GRXCR1: variants seen among roughly 807,000 people sequenced by gnomAD.
GRXCR1 encodes the protein glutaredoxin and cysteine rich domain containing 1, also known as glutaredoxin domain-containing cysteine-rich protein 1.
A neutral mutation model predicts 27.3 loss-of-function variants in GRXCR1; 27 were observed. The observed-to-expected ratio is 0.99, with a 90% CI of 0.73 to 1.37. The LOEUF is 1.37. Among genes scored for constraint, GRXCR1 ranks in the 40% most tolerant of loss-of-function variants. GRXCR1 has a pLI of 0.00. For missense variants in GRXCR1, 379 were observed against 354.4 expected (o/e 1.07, Z -0.56); for synonymous variants, 122 against 131.1 (o/e 0.93, Z 0.47).
chr4:42,908,176 C>A (rs116022164), intron 1 of GRXCR1, among the ~76,000 whole-genome samples: 1 of 152,298 alleles, frequency 6.6e-6, no homozygotes, highest in African/African-American at 2.4e-5. Flanking sequence ...CTCACTTGAG[C>A]TCTCTGAACC....
At chr4:42,970,038 A>T (rs1015060631) in intron 2 of GRXCR1, among the ~76,000 whole-genome samples, 4 of 152,130 alleles carry the variant, frequency 2.6e-5, no homozygotes, top group Non-Finnish European at 4.4e-5. Flanking sequence ...CAAGTCCAAA[A>T]CCCAGCAGGG....
chr4:43,009,727 G>A (rs1712677697), intron 2 of GRXCR1, among the ~76,000 whole-genome samples: 1 of 151,850 alleles, frequency 6.6e-6, no homozygotes, highest in Admixed American at 6.6e-5. Context: ...TATTCCTCAG[G>A]GCTCTGCCTT....
At chr4:42,930,505 A>G (rs1198965250) in intron 1 of GRXCR1, among the ~76,000 whole-genome samples, 3 of 151,912 alleles carry the variant, frequency 2.0e-5, no homozygotes, top group Non-Finnish European at 4.4e-5. Context: ...CTCTCCTTTT[A>G]TCCCTCTATG....
At chr4:42,935,871 G>A (rs1440497806) in intron 1 of GRXCR1, among the ~76,000 whole-genome samples, 1 of 151,928 alleles carries the variant, frequency 6.6e-6, no homozygotes, top group African/African-American at 2.4e-5. Flanking sequence ...TACGAAGTGA[G>A]ATAATAGGTT....
intron 2 of GRXCR1, among the ~76,000 whole-genome samples, chr4:43,010,933 C>A (rs914306246): frequency 4.6e-5 from 7 of 152,094 alleles, no homozygotes; most frequent in Non-Finnish European, 1.0e-4. Flanking sequence ...ATATTTTTCT[C>A]TTTGAAAAGT....
intron 1 of GRXCR1, among the ~76,000 whole-genome samples, chr4:42,932,587 TA>T (rs1747341127): frequency 7.5e-5 from 3 of 39,964 alleles, no homozygotes; most frequent in African/African-American, 1.8e-4. Context: ...CATATATATA[TA>T]TATATATATA....
Position 42,944,628 on chromosome 4 carries a change from AC to A in GRXCR1, c.385-18262del, listed in dbSNP as rs1747701441. Among the ~76,000 whole-genome samples, 3 of 152,108 alleles carry A rather than the reference AC, an allele frequency of 2.0e-5. 1 individual carries two copies. Among genetic ancestry groups the A allele is most frequent in the Admixed American group, 2.0e-4 (3 of 15,258 alleles). On this transcript the variant is annotated intron_variant, in intron 1 of 3. Coordinates refer to ENST00000399770, the MANE Select transcript of GRXCR1 (RefSeq NM_001080476.3). ...GTTATAAATCACCTTGCTACAGAGTACCAGAGATAAGATTCAAAACTTACGT... is the reference window on the plus strand; with the variant it reads ...GTTATAAATCACCTTGCTACAGAGTACAGAGATAAGATTCAAAACTTACGT...
intron 2 of GRXCR1, among the ~76,000 whole-genome samples, chr4:43,015,958 C>T (rs6853130): frequency 0.22 from 33,586 of 151,916 alleles, 3,857 homozygotes; most frequent in East Asian, 0.42. Context: ...CCTGGATATC[C>T]GTACACAGAT....
intron 1 of GRXCR1, among the ~76,000 whole-genome samples, chr4:42,906,014 T>C (rs988118182): frequency 4.6e-5 from 7 of 152,206 alleles, no homozygotes; most frequent in African/African-American, 1.4e-4. Context: ...CGTTTTATAG[T>C]AATCTCATTT....
intron 1 of GRXCR1, among the ~76,000 whole-genome samples, chr4:42,901,204 A>G (rs1746452597): frequency 1.3e-5 from 2 of 152,232 alleles, no homozygotes; most frequent in East Asian, 3.9e-4. Context: ...AGACTGAACA[A>G]CAATTACTAC....
chr4:42,909,482 A>G (rs1746669385), intron 1 of GRXCR1, among the ~76,000 whole-genome samples: 2 of 151,648 alleles, frequency 1.3e-5, no homozygotes, highest in South Asian at 2.1e-4. Context: ...CACAAAACAA[A>G]CTCTTCATAT....
chr4:43,008,233 A>T (rs924944488), intron 2 of GRXCR1, among the ~76,000 whole-genome samples: 10 of 152,198 alleles, frequency 6.6e-5, no homozygotes, highest in Non-Finnish European at 1.2e-4. Context: ...TAGCAAGATA[A>T]ATAGTCATTG....
intron 1 of GRXCR1, among the ~76,000 whole-genome samples, chr4:42,947,427 AAAT>A (rs1293387973): frequency 6.6e-6 from 1 of 152,168 alleles, no homozygotes; most frequent in Non-Finnish European, 1.5e-5. Flanking sequence ...AATGAAAAAG[AAAT>A]AATAATATCT....
At chr4:42,917,165 C>T (rs1746903857) in intron 1 of GRXCR1, among the ~76,000 whole-genome samples, 1 of 152,104 alleles carries the variant, frequency 6.6e-6, no homozygotes, top group African/African-American at 2.4e-5. Flanking sequence ...CATTTGGTAT[C>T]TATCTATCTA....
intron 2 of GRXCR1, among the ~76,000 whole-genome samples, chr4:42,988,582 T>C (rs1433177724): frequency 6.6e-6 from 1 of 152,244 alleles, no homozygotes; most frequent in Non-Finnish European, 1.5e-5. Context: ...CAGTTATAAG[T>C]ATATTTTTCC....
intron 1 of GRXCR1, among the ~76,000 whole-genome samples, chr4:42,909,363 C>G (rs961593771): frequency 1.3e-5 from 2 of 152,068 alleles, no homozygotes; most frequent in African/African-American, 4.8e-5. Flanking sequence ...TCCCCCATAC[C>G]CCGAAGTTAG....
At chr4:42,947,952 C>T (rs1424034699) in intron 1 of GRXCR1, among the ~76,000 whole-genome samples, 1 of 152,050 alleles carries the variant, frequency 6.6e-6, no homozygotes, top group Admixed American at 6.6e-5. Context: ...GTTTCATGTG[C>T]TTCACAATTT....
rs75579234 is a variant in GRXCR1, at chr4:42,986,510, G to T, written c.627+23376G>T. 2.0e-5 allele frequency among the ~76,000 whole-genome samples: 3 copies of T among 152,120 alleles called. No individual in the cohort carries two copies. In the East Asian group the frequency reaches 5.8e-4, roughly 29 times the overall value. On this transcript the variant is annotated intron_variant, in intron 2 of 3. Transcript: ENST00000399770. ...TTCGTGGTTTCAAATTAATCTCTGTGGTGCCCTGGAGATTTCTTCAAGCTT... is the reference window on the plus strand; with the variant it reads ...TTCGTGGTTTCAAATTAATCTCTGTTGTGCCCTGGAGATTTCTTCAAGCTT...
At chr4:42,991,207 T>C (rs1711961221) in intron 2 of GRXCR1, among the ~76,000 whole-genome samples, 1 of 152,062 alleles carries the variant, frequency 6.6e-6, no homozygotes, top group African/African-American at 2.4e-5. Context: ...ATTTGTTAAA[T>C]TGTTTTTCTT....
Sources: gnomAD v4.1 joint callset for allele counts (sites outside exome capture counted in the v4.1 genomes callset) on GRCh38, gnomAD v4.1.1 for gene constraint, MANE v1.5 for transcripts, NCBI Gene and HGNC (gene_info 2026-07-23, HGNC 2026-07-21) for gene names.